Variants in CIT observed in about 807,000 individuals in gnomAD.
CIT encodes the protein citron Rho-interacting kinase.
A neutral mutation model predicts 272.7 loss-of-function variants in CIT; 79 were observed. The observed-to-expected ratio is 0.29, with a 90% CI of 0.24 to 0.35. The LOEUF is 0.35. Ranked by LOEUF, CIT falls within the 10% of genes least tolerant of loss-of-function variation. The pLI, the probability that CIT is intolerant of heterozygous loss-of-function variation, is 1.00. For missense variants in CIT, 1,909 were observed against 2,618.3 expected, an observed-to-expected ratio of 0.73 and a Z score of 5.91; for synonymous variants, 948 against 995.6, an observed-to-expected ratio of 0.95 and a Z score of 0.90.
chr12:119,863,815 C>A lies in CIT; in HGVS notation c.238+5245G>T, dbSNP rs150268247. 4.2e-4 allele frequency among the ~76,000 whole-genome samples: 63 copies of A among 151,456 alleles called. No individual in the cohort carries two copies. In the East Asian group the frequency reaches 0.012, roughly 29 times the overall value. ...AAAGTGCTAGGATTACAGGCATGAG[C>A]CACCACGCCGGACCAAAAGTTTTAA... On this transcript the variant is annotated intron_variant, in intron 3 of 47. Coordinates refer to ENST00000392521, the MANE Select transcript of CIT (RefSeq NM_001206999.2).
intron 32 of CIT, among the ~76,000 whole-genome samples, chr12:119,717,060 T>G (rs1348618954): frequency 6.6e-6 from 1 of 152,204 alleles, no homozygotes; most frequent in East Asian, 1.9e-4. Context: ...GTTTTCTTGT[T>G]TTTGTTTTTG....
intron 16 of CIT, among the ~76,000 whole-genome samples, chr12:119,774,319 A>AAGG (rs554753955): frequency 6.6e-6 from 1 of 152,200 alleles, no homozygotes; most frequent in South Asian, 2.1e-4. Flanking sequence ...AAAAAAGAAG[A>AAGG]AGGAGGAGGA....
intron 7 of CIT, among the ~76,000 whole-genome samples, chr12:119,827,655 TC>T (rs1454534929): frequency 3.3e-5 from 5 of 152,138 alleles, no homozygotes; most frequent in African/African-American, 1.2e-4. Context: ...GCCAGGATGG[TC>T]TCGATCTCTT....
At position 119,803,317 on chromosome 12, in the gene CIT, G is replaced by A. The variant is rs752750796; in HGVS notation, c.1184C>T (p.Ser395Leu). The change falls in exon 10 of 48, where the codon TCG becomes TTG. Residue 395 changes from serine (S) to leucine (L), a missense_variant. Around this residue, in one of 8 missense-constraint regions of CIT, gnomAD observed 529 missense variants for 549.6 expected, o/e 0.96. Transcript: ENST00000392521. ...CTGGCACGGAGAGGATGAAACCCAC[G>A]AATTCTTCTCTGGTTCATCAAAATT... is the stretch of plus-strand genomic sequence containing the variant. The part of the protein sequence containing the change: ...TSNFDEPEKN[S>L]WVSSSPCQLS... 18 of 1,608,460 alleles carry A rather than the reference G, an allele frequency of 1.1e-5. No homozygotes were observed. In the East Asian group the frequency reaches 2.3e-4, roughly 20 times the overall value.
chr12:119,873,482 G>A (rs1950746379), intron 2 of CIT, among the ~76,000 whole-genome samples: 1 of 151,394 alleles, frequency 6.6e-6, no homozygotes, highest in South Asian at 2.1e-4. Flanking sequence ...GGCTCACCAT[G>A]TTGCCCGGGC....
intron 13 of CIT, among the ~76,000 whole-genome samples, chr12:119,781,042 A>G (rs1267316031): frequency 6.6e-6 from 1 of 152,222 alleles, no homozygotes; most frequent in Non-Finnish European, 1.5e-5. Context: ...TCATTTCCCC[A>G]GGATGTCACC....
chr12:119,712,660 G>C lies in CIT; in HGVS notation c.4615C>G (p.Leu1539Val). ...QRPVEEFELC[L>V]PDGDVSIHGA... ...TGAATAGATACATCCCCGTCGGGAAGGCACAGCTCAAATTCTTCCACCGGC... is the reference window on the plus strand; with the variant it reads ...TGAATAGATACATCCCCGTCGGGAACGCACAGCTCAAATTCTTCCACCGGC... Residue 1539 changes from leucine to valine, a missense_variant, in exon 36 of 48, where the codon CTT becomes GTT. Around this residue, in one of 8 missense-constraint regions of CIT, gnomAD observed 780 missense variants for 1,067.2 expected, o/e 0.73. Transcript: ENST00000392521. This position sits in a 1 kb window ranked among gnomAD's most constrained non-coding sequence, Gnocchi z 5.2. 6.2e-7 allele frequency: 1 copy of C among 1,614,162 alleles called. No individual in the cohort carries two copies.
At chr12:119,858,191 C>G (rs747739055) in intron 3 of CIT, among the ~76,000 whole-genome samples, 2 of 152,254 alleles carry the variant, frequency 1.3e-5, no homozygotes, top group East Asian at 1.9e-4. Flanking sequence ...ATCCATAAAG[C>G]CTTCGTAGAT....
intron 23 of CIT, among the ~76,000 whole-genome samples, chr12:119,748,485 G>T (rs1959761935): frequency 1.3e-5 from 2 of 152,214 alleles, no homozygotes; most frequent in African/African-American, 4.8e-5. Flanking sequence ...GAACGGTTAG[G>T]CTTCTGTGCA....
At chr12:119,751,735 TAAAC>T (rs890699207) in intron 23 of CIT, among the ~76,000 whole-genome samples, 2 of 152,044 alleles carry the variant, frequency 1.3e-5, no homozygotes, top group Non-Finnish European at 2.9e-5. Context: ...AAAGCCAAGG[TAAAC>T]AAACTTTTAA....
At chr12:119,764,546 G>A (rs1016921481) in intron 19 of CIT, among the ~76,000 whole-genome samples, 1 of 150,738 alleles carries the variant, frequency 6.6e-6, no homozygotes, top group Non-Finnish European at 1.5e-5. Context: ...AGCCCAGGTT[G>A]CAATGAGCTA....
In CIT at chr12:119,869,006, T is replaced by C. The variant is rs1481789419; in HGVS notation, c.238+54A>G. 2.3e-5 allele frequency: 37 copies of C among 1,596,872 alleles called. No homozygotes were observed. The East Asian group carries it at 7.4e-4, about 32-fold the overall frequency. On this transcript the variant is annotated intron_variant, in intron 3 of 47. Transcript: ENST00000392521. ...AGTAACTCATTCTGCCTCAAGCATC[T>C]TTCTAGTTTTTCTCTCTCAGGACAG...
chr12:119,866,671 T>G (rs1000201394), intron 3 of CIT, among the ~76,000 whole-genome samples: 1 of 152,040 alleles, frequency 6.6e-6, no homozygotes, highest in African/African-American at 2.4e-5. Context: ...ATTAAAAAAT[T>G]AGCCATTAGT....
At chr12:119,872,660 A>T (rs1363603243) in intron 2 of CIT, among the ~76,000 whole-genome samples, 1 of 152,192 alleles carries the variant, frequency 6.6e-6, no homozygotes, top group Non-Finnish European at 1.5e-5. Flanking sequence ...GCTGTGGCCC[A>T]ATGGCTATGT....
Position 119,704,392 on chromosome 12 carries a change from C to T in CIT, c.5275G>A (p.Glu1759Lys), listed in dbSNP as rs754726013. ...PSKVVILRYN[E>K]NLSKYCIRKE... ...CGGATGCAGTATTTGCTGAGGTTTT[C>T]GTTGTAGCGGAGAATGACGACTTTG... Residue 1759 changes from glutamate to lysine, a missense_variant, in exon 41 of 48, where the codon GAA becomes AAA. Glu to Lys is a moderately conservative substitution (Grantham distance 56). Coordinates refer to ENST00000392521, the MANE Select transcript of CIT (RefSeq NM_001206999.2). The T allele has an allele frequency of 1.9e-6, 3 of 1,613,938 alleles. No homozygotes were observed. The highest frequency in any genetic ancestry group is 1.1e-5 in the South Asian group (1 of 91,074).
Position 119,712,566 on chromosome 12 carries a change from C to G in CIT, c.4684+25G>C. On this transcript the variant is annotated intron_variant, in intron 36 of 47. Coordinates refer to ENST00000392521, the MANE Select transcript of CIT (RefSeq NM_001206999.2). The surrounding 1 kb of genome is among the most constrained non-coding windows in gnomAD (Gnocchi z 5.2). Reference sequence around the variant, plus strand: ...GGCCAAGCCCGGCCCACCTCCAGGGCGGGGCTCCTCCGGCTCCTCCTCACC... The same window carrying G: ...GGCCAAGCCCGGCCCACCTCCAGGGGGGGGCTCCTCCGGCTCCTCCTCACC... The G allele has an allele frequency of 6.2e-7, 1 of 1,606,756 alleles. No homozygotes were observed. Among genetic ancestry groups the G allele is most frequent in the Non-Finnish European group, 8.5e-7 (1 of 1,173,468 alleles).
chr12:119,817,437 G>A (rs910797771), intron 9 of CIT, among the ~76,000 whole-genome samples: 2 of 152,000 alleles, frequency 1.3e-5, no homozygotes, highest in Non-Finnish European at 2.9e-5. Flanking sequence ...GCGTGAACCT[G>A]GGAGGCGGAG....
Position 119,726,385 on chromosome 12 carries a change from A to ATTTTTTTTTTTTTTTTTTT in CIT, c.3591+2098_3591+2116dup, listed in dbSNP as rs3999547. Among the ~76,000 whole-genome samples, 4 of 101,418 alleles carry ATTTTTTTTTTTTTTTTTTT rather than the reference A, an allele frequency of 3.9e-5. 1 individual carries two copies. 66.5% of individuals were successfully genotyped at this position (101,418 alleles called of 152,430 possible). A position where few individuals can be genotyped will look rare whatever the true frequency, so the allele number is the denominator to read the frequency against. ...AACTGCACACCACCACACTTGGCTA[A>ATTTTTTTTTTTTTTTTTTT]TTTTTTTTTTTTTTTTTTTTTTTTT... On this transcript the variant is annotated intron_variant, in intron 28 of 47. Transcript: ENST00000392521.
chr12:119,834,328 G>A (rs1968851305), intron 5 of CIT, 100 bp from the exon 6 acceptor site: 2 of 1,129,794 alleles, frequency 1.8e-6, no homozygotes, highest in African/African-American at 1.6e-5. Flanking sequence ...TAATAACAAG[G>A]TCTCCACAAA....
Sources: allele counts gnomAD v4.1 joint callset (sites outside exome capture counted in the v4.1 genomes callset), GRCh38; gene constraint gnomAD v4.1.1; regional missense constraint gnomAD v4.1.1; non-coding constraint Gnocchi (gnomAD v3.1); transcripts MANE v1.5; gene names NCBI Gene and HGNC (gene_info 2026-07-23, HGNC 2026-07-21).